GLIS3: variants seen among roughly 807,000 people sequenced by gnomAD.
The protein encoded by GLIS3 is GLIS family zinc finger 3, also known as zinc finger protein GLIS3.
GLIS3 carries 53 observed loss-of-function variants against 78.6 expected under a neutral mutation model. That is an observed-to-expected ratio of 0.67 (90% CI 0.54 to 0.85). The LOEUF (loss-of-function observed/expected upper bound fraction) is 0.85, where lower values mean the gene tolerates loss of function less well. Among genes scored for constraint, GLIS3 ranks in the 40% least tolerant of loss-of-function variants. The pLI, the probability that GLIS3 is intolerant of heterozygous loss-of-function variation, is 0.00. For synonymous variants in GLIS3, 684 were observed against 509.9 expected, an observed-to-expected ratio of 1.34 and a Z score of -4.60; for missense variants, 1,703 against 1,231.1, an observed-to-expected ratio of 1.38 and a Z score of -5.74.
At chr9:4,326,614 G>A (rs1335925848) in intron 2 of GLIS3, among the ~76,000 whole-genome samples, 1 of 152,076 alleles carries the variant, frequency 6.6e-6, no homozygotes, top group Admixed American at 6.5e-5. Context: ...GAGAGCGGAT[G>A]GTGGTAATGA....
chr9:4,128,625 A>G (rs1030374318), intron 2 of GLIS3, among the ~76,000 whole-genome samples: 1 of 152,220 alleles, frequency 6.6e-6, no homozygotes, highest in Non-Finnish European at 1.5e-5. Context: ...AAAAACTCCA[A>G]GTCAATCCTT....
chr9:4,486,023 G>A, the GLIS3 span, among the ~76,000 whole-genome samples: 3 of 152,154 alleles, frequency 2.0e-5, no homozygotes, highest in Non-Finnish European at 4.4e-5. Context: ...CACCTGGCCC[G>A]ACTTTTGCTT....
chr9:4,483,701 C>T, the GLIS3 span, among the ~76,000 whole-genome samples: 4 of 138,594 alleles, frequency 2.9e-5, no homozygotes, highest in Non-Finnish European at 6.0e-5. Flanking sequence ...GCCTGGGCAA[C>T]ACGAGTGAGA....
At position 4,181,113 on chromosome 9, in the gene GLIS3, G is replaced by C. The variant is rs150135855; in HGVS notation, c.389-55172C>G. 3.6e-3 allele frequency among the ~76,000 whole-genome samples: 548 copies of C among 152,352 alleles called. 7 individuals are homozygous for C. Among genetic ancestry groups the C allele is most frequent in the African/African-American group, 0.013 (525 of 41,584 alleles). On this transcript the variant is annotated intron_variant, in intron 2 of 10. Transcript: ENST00000381971. ...TGAGCAGATGCCTGGCAGCCAGCCA[G>C]CTCCTCAGAATGCTTTTGCCTGATG... is the stretch of plus-strand genomic sequence containing the variant.
chr9:4,407,469 C>G, the GLIS3 span, among the ~76,000 whole-genome samples: 2 of 152,088 alleles, frequency 1.3e-5, no homozygotes, highest in East Asian at 1.9e-4. Context: ...CACTGTGAAA[C>G]CCCGTCTCTA....
chr9:4,089,583 T>C (rs374088656), intron 4 of GLIS3, among the ~76,000 whole-genome samples: 3 of 152,138 alleles, frequency 2.0e-5, no homozygotes, highest in East Asian at 3.9e-4. Context: ...CCCAGCGCTT[T>C]GGGAGACCCA....
At chr9:4,225,793 C>G (rs778251453) in intron 2 of GLIS3, among the ~76,000 whole-genome samples, 1 of 152,154 alleles carries the variant, frequency 6.6e-6, no homozygotes, top group Non-Finnish European at 1.5e-5. Flanking sequence ...AAACCAGAGT[C>G]TATTCATCCT....
chr9:4,430,107 G>A, the GLIS3 span, among the ~76,000 whole-genome samples: 3 of 152,128 alleles, frequency 2.0e-5, no homozygotes, highest in Non-Finnish European at 4.4e-5. Context: ...TGAGATCCAG[G>A]AACTCTGATG....
Position 4,164,050 on chromosome 9 carries a change from G to A in GLIS3, c.389-38109C>T, listed in dbSNP as rs576022161. 6.0e-4 allele frequency among the ~76,000 whole-genome samples: 92 copies of A among 152,174 alleles called. 1 individual carries two copies. The highest frequency in any genetic ancestry group is 2.2e-3 in the African/African-American group (90 of 41,504). ...TACTTTATTCTCATCCAATTGTCAC[G>A]TCTTCCTCTAAACACAAAATATGCA... is the stretch of plus-strand genomic sequence containing the variant. On this transcript the variant is annotated intron_variant, in intron 2 of 10. Transcript: ENST00000381971.
the GLIS3 span, among the ~76,000 whole-genome samples, chr9:4,447,364 C>G: frequency 3.9e-5 from 6 of 152,086 alleles, no homozygotes; most frequent in Non-Finnish European, 5.9e-5. Flanking sequence ...AGTGAGCCAC[C>G]ATGCCTGGCC....
intron 9 of GLIS3, among the ~76,000 whole-genome samples, chr9:3,838,781 A>C (rs778258988): frequency 4.0e-5 from 6 of 151,838 alleles, no homozygotes; most frequent in Non-Finnish European, 1.5e-5. Flanking sequence ...AAATGTCCTC[A>C]CTCCCCTTGG....
intron 4 of GLIS3, chr9:4,305,535 T>A (rs902632296): frequency 2.6e-5 from 4 of 152,246 alleles, no homozygotes; most frequent in Non-Finnish European, 4.4e-5. Context: ...CAGAGAGGAA[T>A]CTCACTCCCT....
chr9:4,191,954 G>A (rs1161432138), intron 2 of GLIS3, among the ~76,000 whole-genome samples: 2 of 152,142 alleles, frequency 1.3e-5, no homozygotes, highest in African/African-American at 4.8e-5. Context: ...GAGGTTGGAA[G>A]TGAATGGTGA....
chr9:4,298,142 T>TGCGGCTGGGA (rs1816745722), intron 1 of GLIS3, among the ~76,000 whole-genome samples: 1 of 152,052 alleles, frequency 6.6e-6, no homozygotes, highest in Non-Finnish European at 1.5e-5. Flanking sequence ...GAAAGGGTGC[T>TGCGGCTGGGA]GCGGCTGGGA....
At chr9:3,884,315 G>T (rs942635047) in intron 7 of GLIS3, among the ~76,000 whole-genome samples, 1 of 152,160 alleles carries the variant, frequency 6.6e-6, no homozygotes, top group African/African-American at 2.4e-5. Flanking sequence ...TCACCAGAGC[G>T]GAGGAAGGCT....
the GLIS3 span, among the ~76,000 whole-genome samples, chr9:4,481,515 AGTGTGTGT>A: frequency 1.2e-4 from 18 of 147,588 alleles, no homozygotes; most frequent in East Asian, 1.0e-3. Flanking sequence ...TAAAAACATA[AGTGTGTGT>A]GTGTGTGTGT....
At chr9:4,035,804 C>T (rs943508465) in intron 4 of GLIS3, 1 of 152,510 alleles carries the variant, frequency 6.6e-6, no homozygotes, top group Middle Eastern at 3.4e-3. Flanking sequence ...GATTGTATCC[C>T]TGCCCCACTC....
At chr9:3,847,708 G>A (rs1819147313) in intron 9 of GLIS3, among the ~76,000 whole-genome samples, 1 of 152,176 alleles carries the variant, frequency 6.6e-6, no homozygotes, top group African/African-American at 2.4e-5. Flanking sequence ...ATGTTGAAAT[G>A]CTTACTGCAC....
At chr9:3,969,925 C>CT (rs1346688817) in intron 4 of GLIS3, among the ~76,000 whole-genome samples, 1 of 152,162 alleles carries the variant, frequency 6.6e-6, no homozygotes, top group African/African-American at 2.4e-5. Context: ...CTGTTATTTC[C>CT]TGTTTCAGGG....
Sources: gnomAD v4.1 joint callset for allele counts (sites outside exome capture counted in the v4.1 genomes callset) on GRCh38, gnomAD v4.1.1 for gene constraint, MANE v1.5 for transcripts, NCBI Gene and HGNC (gene_info 2026-07-23, HGNC 2026-07-21) for gene names.